PACRG: variants seen among roughly 807,000 people sequenced by gnomAD.
PACRG encodes the protein parkin coregulated gene protein.
PACRG carries 29 observed loss-of-function variants against 29.7 expected under a neutral mutation model. The ratio of observed to expected loss-of-function variants is 0.98; its 90% CI spans 0.73 to 1.33. PACRG has a LOEUF of 1.33. Among genes scored for constraint, PACRG ranks in the 40% most tolerant of loss-of-function variants. The probability of loss-of-function intolerance (pLI) is 0.00; values close to 1 mark genes in which losing one functional copy is unlikely to be tolerated. For missense variants in PACRG, 279 were observed against 316.2 expected (o/e 0.88, Z 0.89); for synonymous variants, 116 against 118.7 (o/e 0.98, Z 0.15).
chr6:163,185,856 A>G (rs1193721758), intron 4 of PACRG, among the ~76,000 whole-genome samples: 1 of 152,166 alleles, frequency 6.6e-6, no homozygotes, highest in Non-Finnish European at 1.5e-5. Context: ...GTGCATCGGG[A>G]GAATTTTGCT....
rs368372180 is a variant in PACRG, at chr6:163,044,170, C to CTTT, written c.292-17966_292-17964dup. 1.6e-3 allele frequency among the ~76,000 whole-genome samples: 225 copies of CTTT among 139,968 alleles called. 5 individuals carry two copies. In the East Asian group the frequency reaches 0.021, roughly 13 times the overall value. 91.8% of individuals were successfully genotyped at this position (139,968 alleles called of 152,430 possible). On this transcript the variant is annotated intron_variant, in intron 2 of 4. Transcript: ENST00000366888. ...TGCCTATAATATGGGAAACAGATGA[C>CTTT]TTTTTTTTTTTTTTTTGAGACAGGG...
intron 4 of PACRG, among the ~76,000 whole-genome samples, chr6:163,241,312 TCTC>T (rs1465855725): frequency 2.6e-5 from 4 of 152,214 alleles, no homozygotes. Context: ...CTCATTTTTT[TCTC>T]CTCAAGTCTT....
intron 2 of PACRG, among the ~76,000 whole-genome samples, chr6:162,944,552 A>T (rs1798861790): frequency 6.6e-6 from 1 of 152,198 alleles, no homozygotes. Flanking sequence ...GTGAAAGAAA[A>T]CAGATAAATA....
chr6:163,308,665 CA>C (rs34275762), intron 4 of PACRG, among the ~76,000 whole-genome samples: 29,250 of 131,288 alleles, frequency 0.22, 3,653 homozygotes, highest in African/African-American at 0.37. Flanking sequence ...GGCTCCGTCT[CA>C]AAAAAAAAAA....
intron 4 of PACRG, among the ~76,000 whole-genome samples, chr6:163,100,151 C>G (rs936959193): frequency 6.6e-6 from 1 of 152,014 alleles, no homozygotes; most frequent in Non-Finnish European, 1.5e-5. Context: ...CGGCTCGGCC[C>G]GAACCCACCA....
intron 4 of PACRG, among the ~76,000 whole-genome samples, chr6:163,281,952 A>G (rs1439622617): frequency 1.3e-5 from 2 of 152,258 alleles, no homozygotes; most frequent in African/African-American, 4.8e-5. Flanking sequence ...CATGTGCACA[A>G]GAAGCAGATC....
intron 3 of PACRG, among the ~76,000 whole-genome samples, chr6:163,078,894 A>G (rs1812806692): frequency 1.3e-5 from 2 of 152,056 alleles, no homozygotes; most frequent in African/African-American, 4.8e-5. Context: ...CCTAGATTCT[A>G]TGTTTGCTGT....
intron 2 of PACRG, among the ~76,000 whole-genome samples, chr6:162,914,517 T>G (rs1389364249): frequency 7.5e-5 from 11 of 147,602 alleles, no homozygotes; most frequent in East Asian, 2.0e-4. Flanking sequence ...TGTTTTTTTT[T>G]TTTTTTTTTT....
chr6:163,087,708 A>C (rs1813720849), intron 3 of PACRG, among the ~76,000 whole-genome samples: 1 of 151,484 alleles, frequency 6.6e-6, no homozygotes, highest in Admixed American at 6.6e-5. Flanking sequence ...GTGAGGATGG[A>C]AACCAGGACT....
chr6:163,008,430 G>A (rs960020847), intron 2 of PACRG, among the ~76,000 whole-genome samples: 7 of 151,916 alleles, frequency 4.6e-5, no homozygotes, highest in African/African-American at 7.3e-5. Flanking sequence ...TGTGACCAGC[G>A]TGTGTTTTCC....
chr6:163,060,696 A>G (rs1006000627), intron 2 of PACRG: 3 of 152,086 alleles, frequency 2.0e-5, no homozygotes, highest in Admixed American at 1.3e-4. Flanking sequence ...AGCAGACTGT[A>G]GACAGGCCTG....
At chr6:162,811,832 G>A (rs1170110743) in intron 1 of PACRG, among the ~76,000 whole-genome samples, 1 of 152,066 alleles carries the variant, frequency 6.6e-6, no homozygotes. Context: ...GGGATTCAAA[G>A]TGTTTTGGAT....
chr6:162,893,231 A>G (rs1794918656), intron 2 of PACRG, among the ~76,000 whole-genome samples: 1 of 152,176 alleles, frequency 6.6e-6, no homozygotes, highest in Admixed American at 6.5e-5. Flanking sequence ...CATCGTCACC[A>G]GGCAGCTCTG....
At chr6:163,143,499 C>T (rs1037418979) in intron 4 of PACRG, among the ~76,000 whole-genome samples, 26 of 152,296 alleles carry the variant, frequency 1.7e-4, no homozygotes, top group African/African-American at 5.1e-4. Context: ...GTTGCTTTAG[C>T]GCAGAGTTCT....
chr6:163,058,993 C>T (rs907852646), intron 2 of PACRG, among the ~76,000 whole-genome samples: 2 of 151,656 alleles, frequency 1.3e-5, no homozygotes, highest in Admixed American at 6.6e-5. Context: ...GCAGGAGAAT[C>T]GCTTGAACCC....
rs559968200 is a variant in PACRG at position 162,940,914 on chromosome 6, T to C, written c.292-121236T>C. 2.6e-5 allele frequency among the ~76,000 whole-genome samples: 4 copies of C among 152,306 alleles called. No individual in the cohort carries two copies. In the East Asian group the frequency reaches 7.7e-4, roughly 29 times the overall value. ...CAGGATATAATGAATGTATCAGAGC[T>C]CAGAATTTGTTTTTAAATGAAATTA... is the stretch of plus-strand genomic sequence containing the variant. On this transcript the variant is annotated intron_variant, in intron 2 of 4. Coordinates refer to ENST00000366888, the MANE Select transcript of PACRG (RefSeq NM_001080379.2).
At chr6:162,727,283 A>AGGGGCGCAGGTGAGGGGCGGCGGC, upstream of PACRG, 1 of 265,566 alleles carries the variant, frequency 3.8e-6, no homozygotes, top group Non-Finnish European at 6.9e-6. Flanking sequence ...CAGTGAGGTG[A>AGGGGCGCAGGTGAGGGGCGGCGGC]GGGGCGAAGG....
At chr6:163,072,626 A>G (rs914571989) in intron 3 of PACRG, among the ~76,000 whole-genome samples, 4 of 152,174 alleles carry the variant, frequency 2.6e-5, no homozygotes, top group Non-Finnish European at 4.4e-5. Context: ...GACAAGAGAA[A>G]GAGATAAAGG....
chr6:162,850,291 T>C (rs1790750199), intron 2 of PACRG, among the ~76,000 whole-genome samples: 1 of 152,220 alleles, frequency 6.6e-6, no homozygotes, highest in South Asian at 2.1e-4. Context: ...CATGCATAGA[T>C]TAAAACTATG....
Sources: gnomAD v4.1 joint callset for allele counts (sites outside exome capture counted in the v4.1 genomes callset) on GRCh38, gnomAD v4.1.1 for gene constraint, MANE v1.5 for transcripts, NCBI Gene and HGNC (gene_info 2026-07-23, HGNC 2026-07-21) for gene names.